Variants in RBPJ observed in about 807,000 individuals in gnomAD.
RBPJ encodes recombining binding protein suppressor of hairless.
A neutral mutation model predicts 67.8 loss-of-function variants in RBPJ; 9 were observed. The ratio of observed to expected loss-of-function variants is 0.13; its 90% CI spans 0.08 to 0.23. The LOEUF (loss-of-function observed/expected upper bound fraction) is 0.23. Ranked by LOEUF, RBPJ falls within the 10% of genes least tolerant of loss-of-function variation. The pLI is 1.00. For missense variants in RBPJ, 305 were observed against 595.6 expected (o/e 0.51, Z 5.08); for synonymous variants, 198 against 203.3 (o/e 0.97, Z 0.22).
chr4:26,196,230 G>A (rs1356788823), intron 1 of RBPJ, among the ~76,000 whole-genome samples: 2 of 152,242 alleles, frequency 1.3e-5, no homozygotes, highest in Admixed American at 1.3e-4. Flanking sequence ...TATCCACAGA[G>A]CAGAATATTA....
chr4:26,148,267 AT>A, the RBPJ span, among the ~76,000 whole-genome samples: 147,380 of 152,218 alleles, frequency 0.97, 71,494 homozygotes, highest in South Asian at 1. Context: ...AAAATTTGGG[AT>A]TTTTTCCAGT....
intron 1 of RBPJ, among the ~76,000 whole-genome samples, chr4:26,341,831 G>A (rs1442653748): frequency 1.3e-5 from 2 of 152,128 alleles, no homozygotes; most frequent in African/African-American, 4.8e-5. Context: ...GGGATTGTGG[G>A]GTCCAAAGGA....
the RBPJ span, among the ~76,000 whole-genome samples, chr4:26,109,731 A>C: frequency 0.016 from 1,297 of 79,812 alleles, 124 homozygotes; most frequent in African/African-American, 0.039. Context: ...CTCTCTCTCT[A>C]TATATATATA....
At chr4:26,106,862 A>G in the RBPJ span, among the ~76,000 whole-genome samples, 1 of 152,096 alleles carries the variant, frequency 6.6e-6, no homozygotes, top group Non-Finnish European at 1.5e-5. Flanking sequence ...GACCTGGGAG[A>G]GACTGAATGA....
At chr4:26,151,513 T>C in the RBPJ span, among the ~76,000 whole-genome samples, 1 of 152,194 alleles carries the variant, frequency 6.6e-6, no homozygotes, top group East Asian at 1.9e-4. Context: ...GGAATAGTGT[T>C]TATAGTTTGT....
chr4:26,127,021 G>A, the RBPJ span, among the ~76,000 whole-genome samples: 1 of 152,314 alleles, frequency 6.6e-6, no homozygotes, highest in East Asian at 1.9e-4. Flanking sequence ...GACCACACAC[G>A]TCACTCTGAA....
At chr4:26,213,761 T>C (rs1386148009) in intron 1 of RBPJ, among the ~76,000 whole-genome samples, 2 of 152,224 alleles carry the variant, frequency 1.3e-5, no homozygotes, top group Non-Finnish European at 2.9e-5. Flanking sequence ...GAGACTAGGT[T>C]GTAAGAGAAC....
the RBPJ span, among the ~76,000 whole-genome samples, chr4:26,109,452 C>CTATATA: frequency 8.3e-5 from 2 of 24,220 alleles, no homozygotes; most frequent in African/African-American, 2.6e-4. Context: ...CTCTCTCTCT[C>CTATATA]TCTCTCTCTA....
intron 1 of RBPJ, among the ~76,000 whole-genome samples, chr4:26,279,672 G>A (rs893921684): frequency 6.6e-6 from 1 of 151,956 alleles, no homozygotes; most frequent in Non-Finnish European, 1.5e-5. Context: ...AAGCGGTGAC[G>A]AATTTCAGTA....
chr4:26,252,080 G>GT (rs567577696), intron 1 of RBPJ, among the ~76,000 whole-genome samples: 221 of 140,136 alleles, frequency 1.6e-3, no homozygotes, highest in East Asian at 7.6e-3. Context: ...GTTTTAACTA[G>GT]TTTTTTTTTT....
At chr4:26,388,743 C>T (rs1465608620) in intron 2 of RBPJ, among the ~76,000 whole-genome samples, 1 of 152,042 alleles carries the variant, frequency 6.6e-6, no homozygotes, top group Non-Finnish European at 1.5e-5. Flanking sequence ...GCAATAGATA[C>T]TATCTAAAAT....
chr4:26,222,969 C>T (rs138981826), intron 1 of RBPJ, among the ~76,000 whole-genome samples: 2,160 of 151,854 alleles, frequency 0.014, 68 homozygotes, highest in African/African-American at 0.049. Flanking sequence ...GCCTGACCAA[C>T]GTAGTGAAAC....
intron 1 of RBPJ, among the ~76,000 whole-genome samples, chr4:26,301,599 A>G (rs1361236852): frequency 2.0e-5 from 3 of 151,692 alleles, no homozygotes; most frequent in African/African-American, 7.3e-5. Flanking sequence ...CTCAAAAAAA[A>G]AAAAAGAAAA....
chr4:26,200,777 C>T (rs145833231), intron 1 of RBPJ, among the ~76,000 whole-genome samples: 7 of 152,246 alleles, frequency 4.6e-5, no homozygotes, highest in African/African-American at 1.7e-4. Flanking sequence ...GACATTGTTT[C>T]ATCTCAGGAG....
intron 1 of RBPJ, among the ~76,000 whole-genome samples, chr4:26,331,791 C>G (rs1472613310): frequency 6.6e-6 from 1 of 152,226 alleles, no homozygotes; most frequent in Non-Finnish European, 1.5e-5. Flanking sequence ...CCTCTTTTCT[C>G]TCTAGCTTCT....
the RBPJ span, among the ~76,000 whole-genome samples, chr4:26,140,940 C>T: frequency 6.6e-6 from 1 of 152,114 alleles, no homozygotes; most frequent in Non-Finnish European, 1.5e-5. Context: ...TTTCTTTTCC[C>T]TTAACATCTC....
chr4:26,320,028 C>T (rs929420314), upstream of RBPJ: 16 of 696,776 alleles, frequency 2.3e-5, no homozygotes, highest in African/African-American at 2.4e-4. Context: ...TGTGCCAGGC[C>T]CTCGGGTGGC....
At chr4:26,380,879 AAAAT>A (rs1257736033) in intron 1 of RBPJ, among the ~76,000 whole-genome samples, 1 of 151,764 alleles carries the variant, frequency 6.6e-6, no homozygotes, top group Admixed American at 6.6e-5. Context: ...GAAATAGAGA[AAAAT>A]AAATTACTTC....
intron 1 of RBPJ, among the ~76,000 whole-genome samples, chr4:26,275,921 C>CG (rs1312038123): frequency 6.6e-6 from 1 of 151,724 alleles, no homozygotes; most frequent in Non-Finnish European, 1.5e-5. Context: ...CCACCGCAAC[C>CG]GGCCCAAATC....
Sources: allele counts gnomAD v4.1 joint callset (sites outside exome capture counted in the v4.1 genomes callset), GRCh38; gene constraint gnomAD v4.1.1; transcripts MANE v1.5; gene names NCBI Gene and HGNC (gene_info 2026-07-23, HGNC 2026-07-21).